CSNK1A1: variants seen among roughly 807,000 people sequenced by gnomAD.
CSNK1A1 encodes the protein casein kinase 1 alpha 1, also known as casein kinase I isoform alpha.
A neutral mutation model predicts 46.1 loss-of-function variants in CSNK1A1; 7 were observed. The observed-to-expected ratio is 0.15, with a 90% confidence interval of 0.09 to 0.29. The LOEUF is 0.29. Among genes scored for constraint, CSNK1A1 ranks in the 10% least tolerant of loss-of-function variants. CSNK1A1 has a pLI of 1.00. For missense variants in CSNK1A1, 96 were observed against 417.1 expected, an observed-to-expected ratio of 0.23 and a Z score of 6.71; for synonymous variants, 137 against 141.5, an observed-to-expected ratio of 0.97 and a Z score of 0.23.
chr5:149,546,231 C>T (rs1762479221), intron 2 of CSNK1A1, among the ~76,000 whole-genome samples: 1 of 151,986 alleles, frequency 6.6e-6, no homozygotes, highest in Admixed American at 6.6e-5. Context: ...GGATGCTATG[C>T]TTCTTAACAA....
rs1378146873 is a variant in CSNK1A1 at position 149,494,351 on chromosome 5, C to CTT, written c.*2500_*2501dup. 5 of 152,142 alleles carry CTT rather than the reference C, an allele frequency of 3.3e-5. No homozygotes were observed. The highest frequency in any genetic ancestry group is 1.2e-4 in the African/African-American group (5 of 41,434). 9.4% of individuals were successfully genotyped at this position (152,142 alleles called of 1,614,324 possible). On this transcript the variant is annotated 3_prime_UTR_variant, in exon 10 of 10. Transcript: ENST00000377843. ...ACCAGTCTCTCCCTTCATATATATT[C>CTT]TTTTTTATTTCTTGTTATACCTTCC...
chr5:149,520,472 T>A (rs1255283435), intron 3 of CSNK1A1, 84 bp from the exon 4 acceptor site: 1 of 749,460 alleles, frequency 1.3e-6, no homozygotes, highest in Non-Finnish European at 2.2e-6. Flanking sequence ...GTATCTCAAT[T>A]ATTTAGAGTT....
Position 149,541,610 on chromosome 5 carries a change from G to A in CSNK1A1, c.230+8465C>T, listed in dbSNP as rs535944207. Among the ~76,000 whole-genome samples the A allele has an allele frequency of 7.6e-4, 116 of 152,274 alleles. 1 individual carries two copies. The highest frequency in any genetic ancestry group is 2.0e-3 in the Admixed American group (30 of 15,292). On this transcript the variant is annotated intron_variant, in intron 2 of 9. Coordinates refer to ENST00000377843, the MANE Select transcript of CSNK1A1 (RefSeq NM_001892.6). ...CTCATTCTTGACAGCAAAAATCCCT[G>A]GTGAACAGTGACAGATCATGAGAAA...
At chr5:149,532,871 T>C (rs541914597) in intron 2 of CSNK1A1, among the ~76,000 whole-genome samples, 2 of 152,346 alleles carry the variant, frequency 1.3e-5, no homozygotes, top group Non-Finnish European at 2.9e-5. Flanking sequence ...GGGGTGGATA[T>C]GGTTATGAAC....
At chr5:149,532,541 A>AT (rs1157782189) in intron 2 of CSNK1A1, among the ~76,000 whole-genome samples, 2 of 152,066 alleles carry the variant, frequency 1.3e-5, no homozygotes, top group Non-Finnish European at 2.9e-5. Context: ...AAATATGCAA[A>AT]TATCAGCCGG....
At chr5:149,507,954 T>C (rs1471169523) in intron 7 of CSNK1A1, among the ~76,000 whole-genome samples, 1 of 152,184 alleles carries the variant, frequency 6.6e-6, no homozygotes, top group African/African-American at 2.4e-5. Flanking sequence ...CAACAATGTA[T>C]AAACATTTTC....
chr5:149,506,516 C>T (rs772464669), intron 8 of CSNK1A1, among the ~76,000 whole-genome samples: 4 of 152,158 alleles, frequency 2.6e-5, no homozygotes, highest in Admixed American at 6.5e-5. Flanking sequence ...GGATTACAGG[C>T]GTGAGCCACC....
intron 8 of CSNK1A1, 142 bp downstream of exon 8, chr5:149,506,885 C>A: frequency 3.2e-6 from 2 of 626,932 alleles, no homozygotes; most frequent in Non-Finnish European, 5.3e-6. Context: ...CAAATTAGTC[C>A]CAAATAAATC....
intron 9 of CSNK1A1, chr5:149,504,734 G>A: frequency 1.0e-6 from 1 of 985,398 alleles, no homozygotes; most frequent in South Asian, 4.7e-5. Context: ...AACCCTGGGA[G>A]CCTGATATTT....
chr5:149,550,827 A>C lies in CSNK1A1; in HGVS notation c.123+15T>G, dbSNP rs966803523. On this transcript the variant is annotated intron_variant, in intron 1 of 9. Coordinates refer to ENST00000377843, the MANE Select transcript of CSNK1A1 (RefSeq NM_001892.6). The surrounding 1 kb of genome is among the most constrained non-coding windows in gnomAD (Gnocchi z 4.3). The stretch of plus-strand genomic sequence containing the variant: ...AAAGCGCAGCGTTATCGTGAACCCC[A>C]CCCCAGATGATTACCTCGCCGTTGG... The C allele has an allele frequency of 3.1e-6, 5 of 1,613,736 alleles. No individual in the cohort carries two copies. Among genetic ancestry groups the C allele is most frequent in the Non-Finnish European group, 4.2e-6 (5 of 1,179,836 alleles).
chr5:149,513,593 T>C (rs1004260161), intron 4 of CSNK1A1, among the ~76,000 whole-genome samples: 20 of 152,128 alleles, frequency 1.3e-4, no homozygotes, highest in Non-Finnish European at 5.9e-5. Context: ...TAAACAAACA[T>C]GAGGTTTCAA....
intron 3 of CSNK1A1, among the ~76,000 whole-genome samples, chr5:149,521,899 C>T (rs936155172): frequency 1.3e-5 from 2 of 152,210 alleles, no homozygotes; most frequent in Admixed American, 6.5e-5. Context: ...TGAGCCACTG[C>T]GCCTGGCCCT....
chr5:149,506,512 C>T (rs1412647023), intron 8 of CSNK1A1, among the ~76,000 whole-genome samples: 1 of 152,178 alleles, frequency 6.6e-6, no homozygotes, highest in Non-Finnish European at 1.5e-5. Flanking sequence ...GCTGGGATTA[C>T]AGGCGTGAGC....
intron 4 of CSNK1A1, among the ~76,000 whole-genome samples, chr5:149,514,689 G>A (rs1459272896): frequency 2.0e-5 from 3 of 152,166 alleles, no homozygotes; most frequent in Non-Finnish European, 4.4e-5. Context: ...ATAAAGATCT[G>A]ACCAGTACCT....
At chr5:149,499,986 T>TTTTTGTGTTG (rs1760781123) in intron 9 of CSNK1A1, among the ~76,000 whole-genome samples, 1 of 136,918 alleles carries the variant, frequency 7.3e-6, no homozygotes, top group African/African-American at 2.6e-5. Flanking sequence ...TTTTTTTTTT[T>TTTTTGTGTTG]GAGACGGAGT....
In CSNK1A1 at chr5:149,505,535, T is replaced by G; in HGVS notation, c.918A>C (p.Ala306=). The change falls in exon 9 of 10, where the codon GCA becomes GCC. Residue 306 remains alanine (A), a synonymous_variant. Transcript: ENST00000377843. ...GCCCACTGGAAGAGGCTGCCTGCTG[T>G]GCTGCTTTCTGCTTTAACATTGTCC... is the stretch of plus-strand genomic sequence containing the variant. ...FDWTMLKQKA[A]QQAASSSGQG... is the part of the protein sequence containing the mutation. The G allele has an allele frequency of 6.2e-7, 1 of 1,614,196 alleles. No homozygotes were observed. Among genetic ancestry groups the G allele is most frequent in the Non-Finnish European group, 8.5e-7 (1 of 1,180,038 alleles).
intron 2 of CSNK1A1, among the ~76,000 whole-genome samples, chr5:149,540,665 AT>A (rs1762200221): frequency 6.6e-6 from 1 of 152,190 alleles, no homozygotes; most frequent in South Asian, 2.1e-4. Context: ...AATAAATAAA[AT>A]AAAACTAACA....
rs1350642347 is a variant in CSNK1A1 at position 149,494,418 on chromosome 5, C to T, written c.*2435G>A. On this transcript the variant is annotated 3_prime_UTR_variant, in exon 10 of 10. Transcript: ENST00000377843. ...AACAGTAGTTAGAATGGCCATCTCC[C>T]AACATTTTAAAAAAACTGCACCCCC... 1.3e-5 allele frequency: 2 copies of T among 152,110 alleles called. No homozygotes were observed. Among genetic ancestry groups the T allele is most frequent in the African/African-American group, 4.8e-5 (2 of 41,420 alleles). 9.4% of individuals were successfully genotyped at this position (152,110 alleles called of 1,614,324 possible).
rs1760919240 is a variant in CSNK1A1 at position 149,502,981 on chromosome 5, C to T, written c.1006+2466G>A. Reference sequence around the variant, plus strand: ...ATGGGTTTCCACCATGTTGGCCAGACTCTCGAACTCCTGGCCTCAAGTGAT... The same window carrying T: ...ATGGGTTTCCACCATGTTGGCCAGATTCTCGAACTCCTGGCCTCAAGTGAT... On this transcript the variant is annotated intron_variant, in intron 9 of 9. Coordinates refer to ENST00000377843, the MANE Select transcript of CSNK1A1 (RefSeq NM_001892.6). 1.1e-5 allele frequency: 9 copies of T among 802,356 alleles called. No individual in the cohort carries two copies. In the South Asian group the frequency reaches 5.1e-4, roughly 45 times the overall value. 49.7% of individuals were successfully genotyped at this position (802,356 alleles called of 1,614,324 possible). A position where few individuals can be genotyped will look rare whatever the true frequency, so the allele number is the denominator to read the frequency against.
Sources: gnomAD v4.1 joint callset for allele counts (sites outside exome capture counted in the v4.1 genomes callset) on GRCh38, gnomAD v4.1.1 for gene constraint, Gnocchi (gnomAD v3.1) non-coding constraint, MANE v1.5 for transcripts, NCBI Gene and HGNC (gene_info 2026-07-23, HGNC 2026-07-21) for gene names.